TMEM132A: variants seen among roughly 807,000 people sequenced by gnomAD.
TMEM132A encodes the protein transmembrane protein 132A, also known as GRP78-binding protein.
A neutral mutation model predicts 69.9 loss-of-function variants in TMEM132A; 48 were observed. The observed-to-expected ratio is 0.69, with a 90% CI of 0.55 to 0.87. The LOEUF (loss-of-function observed/expected upper bound fraction) is 0.87. Among genes scored for constraint, TMEM132A ranks in the 40% least tolerant of loss-of-function variants. The probability of loss-of-function intolerance (pLI) is 0.00; values close to 1 mark genes in which losing one functional copy is unlikely to be tolerated. For synonymous variants in TMEM132A, 577 were observed against 613.7 expected (o/e 0.94, Z 0.88); for missense variants, 1,287 against 1,407.2 (o/e 0.91, Z 1.37).
chr11:60,927,765 G>C lies in TMEM132A; in HGVS notation c.440G>C (p.Gly147Ala). ...GCCCGGGTTCTCTTCCACCTCAAAG[G>C]GCAGGATTGGCCACCAGGGTCTGGC... ...PYARVLFHLKGQDWPPGSGSL... is the reference protein window; with the variant it reads ...PYARVLFHLKAQDWPPGSGSL... Residue 147 changes from glycine to alanine, a missense_variant, in exon 3 of 11, where the codon GGG becomes GCG. By Grantham distance (60) the Gly-to-Ala change is moderately conservative (BLOSUM62 0). Coordinates refer to ENST00000453848, the MANE Select transcript of TMEM132A (RefSeq NM_178031.3). 6.2e-7 allele frequency: 1 copy of C among 1,613,206 alleles called. No homozygotes were observed. The highest frequency in any genetic ancestry group is 8.5e-7 in the Non-Finnish European group (1 of 1,180,018).
Position 60,936,188 on chromosome 11 carries a change from C to T in TMEM132A, c.2353C>T (p.Pro785Ser). The T allele has an allele frequency of 6.2e-7, 1 of 1,614,038 alleles. No individual in the cohort carries two copies. Among genetic ancestry groups the T allele is most frequent in the Non-Finnish European group, 8.5e-7 (1 of 1,179,952 alleles). ...ALPSSPAWSPPATEATMGGKR... is the reference protein window; with the variant it reads ...ALPSSPAWSPSATEATMGGKR... ...CCCATCCAGCCCTGCTTGGAGCCCA[C>T]CAGCCACAGAAGCCACCATGGGTGG... Residue 785 changes from proline (P) to serine (S), a missense_variant, in exon 11 of 11, where the codon CCA becomes TCA. Transcript: ENST00000453848.
At position 60,934,057 on chromosome 11, in the gene TMEM132A, T is replaced by C. The variant is rs1856538690; in HGVS notation, c.1559+313T>C. The C allele has an allele frequency of 6.5e-6, 3 of 463,622 alleles. No homozygotes were observed. The South Asian group carries it at 1.1e-4, about 17-fold the overall frequency. 28.7% of individuals were successfully genotyped at this position (463,622 alleles called of 1,614,324 possible). A position where few individuals can be genotyped will look rare whatever the true frequency, so the allele number is the denominator to read the frequency against. On this transcript the variant is annotated intron_variant, in intron 8 of 10. Coordinates refer to ENST00000453848, the MANE Select transcript of TMEM132A (RefSeq NM_178031.3). ...CTCCTCCCCCGAGAATGTCAGCCCC[T>C]TGAAGCTGCGGTCTGTCTATGCTGG...
At chr11:60,930,774 A>G (rs1856464164) in intron 5 of TMEM132A, 115 bp downstream of exon 5, 2 of 1,059,372 alleles carry the variant, frequency 1.9e-6, no homozygotes, top group African/African-American at 3.3e-5. Flanking sequence ...AGCAGACCCA[A>G]GGACAGATTT....
Position 60,924,742 on chromosome 11 carries a change from G to C in TMEM132A, c.100+9G>C, listed in dbSNP as rs758283973. ...CCTGGACGTCGTGAGAGGTCAGCGG[G>C]AGGGGAGGGCCGGGGCGAGGGGCGG... On this transcript the variant is annotated intron_variant, in intron 1 of 10. Coordinates refer to ENST00000453848, the MANE Select transcript of TMEM132A (RefSeq NM_178031.3). The C allele has an allele frequency of 6.5e-7, 1 of 1,547,256 alleles. No individual in the cohort carries two copies. Among genetic ancestry groups the C allele is most frequent in the Admixed American group, 1.8e-5 (1 of 54,548 alleles).
Position 60,932,302 on chromosome 11 carries a change from C to T in TMEM132A, c.1356+175C>T, listed in dbSNP as rs116132730. Reference sequence around the variant, plus strand: ...TCTTTTGTTCCAGCCACCTCTCTCCCGAGTCAAGTAACCCTAACAGCCCCC... The same window carrying T: ...TCTTTTGTTCCAGCCACCTCTCTCCTGAGTCAAGTAACCCTAACAGCCCCC... On this transcript the variant is annotated intron_variant, in intron 7 of 10. Transcript: ENST00000453848. 718 of 737,068 alleles carry T rather than the reference C, an allele frequency of 9.7e-4. 3 individuals carry two copies. In the African/African-American group the frequency reaches 0.011, roughly 11 times the overall value. 45.7% of individuals were successfully genotyped at this position (737,068 alleles called of 1,614,324 possible).
In TMEM132A at chr11:60,931,978, C is replaced by T; in HGVS notation, c.1213-6C>T. The T allele has an allele frequency of 1.2e-6, 2 of 1,609,930 alleles. No individual in the cohort carries two copies. The highest frequency in any genetic ancestry group is 1.3e-5 in the African/African-American group (1 of 74,768). On this transcript the variant is annotated splice_polypyrimidine_tract_variant and splice_region_variant and intron_variant, in intron 6 of 10. Coordinates refer to ENST00000453848, the MANE Select transcript of TMEM132A (RefSeq NM_178031.3). ...GCCTGGGGCTGAGCCCCTCCTCCAC[C>T]CCCAGGCTGAGGAGCTGGTGAATAC... is the stretch of plus-strand genomic sequence containing the variant.
At chr11:60,934,857 G>T (rs1270097699) in intron 9 of TMEM132A, 93 bp downstream of exon 9, 7 of 1,352,148 alleles carry the variant, frequency 5.2e-6, no homozygotes, top group Non-Finnish European at 7.0e-6. Flanking sequence ...TGTGCCAGGA[G>T]CCCAGAGTGT....
Position 60,936,688 on chromosome 11 carries a change from G to T in TMEM132A, c.2853G>T (p.Leu951=). The change falls in exon 11 of 11, where the codon CTG becomes CTT. Residue 951 remains leucine, a synonymous_variant. Transcript: ENST00000453848. The stretch of plus-strand genomic sequence containing the variant: ...GCACCACCAGCTCCTCAAGCACCCT[G>T]GCCCGAAAGGAGGCTGGGGGGCGGC... ...PGGTTSSSST[L]ARKEAGGRRK... 1 of 1,563,668 alleles carries T rather than the reference G, an allele frequency of 6.4e-7. No homozygotes were observed. Among genetic ancestry groups the T allele is most frequent in the Non-Finnish European group, 8.7e-7 (1 of 1,155,002 alleles).
At position 60,936,910 on chromosome 11, in the gene TMEM132A, C is replaced by T; in HGVS notation, c.*3C>T. The T allele has an allele frequency of 6.6e-7, 1 of 1,524,512 alleles. No homozygotes were observed. Among genetic ancestry groups the T allele is most frequent in the Non-Finnish European group, 8.8e-7 (1 of 1,135,658 alleles). The allele number at this position is 1,524,512 out of a possible 1,614,324, so 94.4% of individuals were successfully genotyped here. On this transcript the variant is annotated 3_prime_UTR_variant, in exon 11 of 11. Coordinates refer to ENST00000453848, the MANE Select transcript of TMEM132A (RefSeq NM_178031.3). ...AGAGGATCCGGGGCAGCTCCTGACC[C>T]TCCACAGCCACCTGGTCAGCCACCA...
rs375795914 is a variant in TMEM132A at position 60,928,617 on chromosome 11, G to T, written c.535-12G>T. The T allele has an allele frequency of 1.2e-6, 2 of 1,605,098 alleles. No homozygotes were observed. The highest frequency in any genetic ancestry group is 1.7e-6 in the Non-Finnish European group (2 of 1,179,336). ...CACCCCCATGCCAATTACTGCTGTC[G>T]TGTCTTCACAGCCATCCCTGGGCGC... On this transcript the variant is annotated splice_polypyrimidine_tract_variant and intron_variant, in intron 3 of 10. Transcript: ENST00000453848.
chr11:60,934,686 C>T lies in TMEM132A; in HGVS notation c.1758C>T (p.Arg586=), dbSNP rs772619797. 8 of 1,604,344 alleles carry T rather than the reference C, an allele frequency of 5.0e-6. No homozygotes were observed. The highest frequency in any genetic ancestry group is 3.3e-5 in the Admixed American group (2 of 59,892). Residue 586 remains arginine, a synonymous_variant, in exon 9 of 11, where the codon CGC becomes CGT. Transcript: ENST00000453848. The part of the protein sequence containing the change: ...DVSHLVAPHA[R]VLDSRVASLE... ...CCCACCTCGTGGCGCCACACGCCCGCGTGCTGGACTCGCGTGTAGCCTCTC... is the reference window on the plus strand; with the variant it reads ...CCCACCTCGTGGCGCCACACGCCCGTGTGCTGGACTCGCGTGTAGCCTCTC...
At position 60,924,752 on chromosome 11, in the gene TMEM132A, C is replaced by A; in HGVS notation, c.100+19C>A. ...GTGAGAGGTCAGCGGGAGGGGAGGGCCGGGGCGAGGGGCGGCCGGGCCCGG... is the reference window on the plus strand; with the variant it reads ...GTGAGAGGTCAGCGGGAGGGGAGGGACGGGGCGAGGGGCGGCCGGGCCCGG... On this transcript the variant is annotated intron_variant, in intron 1 of 10. Transcript: ENST00000453848. 6.6e-7 allele frequency: 1 copy of A among 1,508,574 alleles called. No individual in the cohort carries two copies. The highest frequency in any genetic ancestry group is 8.8e-7 in the Non-Finnish European group (1 of 1,133,754). 93.4% of individuals were successfully genotyped at this position (1,508,574 alleles called of 1,614,324 possible). A position where few individuals can be genotyped will look rare whatever the true frequency, so the allele number is the denominator to read the frequency against.
intron 1 of TMEM132A, chr11:60,926,644 G>A (rs181945754): frequency 5.2e-5 from 9 of 172,508 alleles, no homozygotes; most frequent in Admixed American, 2.4e-4. Flanking sequence ...AGCACCTTCC[G>A]CGCCCGCCCA....
At position 60,933,568 on chromosome 11, in the gene TMEM132A, C is replaced by T. The variant is rs758306394; in HGVS notation, c.1383C>T (p.Phe461=). The change falls in exon 8 of 11, where the codon TTC becomes TTT. Residue 461 remains phenylalanine (F), a synonymous_variant. Transcript: ENST00000453848. The stretch of plus-strand genomic sequence containing the variant: ...TGTCTGAGGCCTGTGATGCCGTGTT[C>T]GTGGCTGGCAAGGAGAGCCGGGGCG... ...LQVSEACDAV[F]VAGKESRGAR... 5.0e-6 allele frequency: 8 copies of T among 1,607,738 alleles called. No homozygotes were observed. Among genetic ancestry groups the T allele is most frequent in the Non-Finnish European group, 5.9e-6 (7 of 1,179,192 alleles).
At chr11:60,928,575 G>T (rs1765892161) in intron 3 of TMEM132A, 54 bp from the exon 4 acceptor site, 7 of 1,525,248 alleles carry the variant, frequency 4.6e-6, no homozygotes, top group Non-Finnish European at 6.2e-6. Context: ...TGAGAATCCT[G>T]TTCCTCGCCC....
At position 60,933,728 on chromosome 11, in the gene TMEM132A, C is replaced by T; in HGVS notation, c.1543C>T (p.Pro515Ser). The T allele has an allele frequency of 1.3e-6, 2 of 1,581,182 alleles. No homozygotes were observed. Among genetic ancestry groups the T allele is most frequent in the African/African-American group, 2.7e-5 (2 of 74,402 alleles). ...CGAGCAGGTCCGCGGCTGGAGGGTA[C>T]CTGGCCCTGCTGAAGGGTGAGTGGA... is the stretch of plus-strand genomic sequence containing the variant. ...TLEQVRGWRV[P>S]GPAEGPAEPA... Residue 515 changes from proline (P) to serine (S), a missense_variant, in exon 8 of 11, where the codon CCT becomes TCT. Coordinates refer to ENST00000453848, the MANE Select transcript of TMEM132A (RefSeq NM_178031.3).
rs573936300 is a variant in TMEM132A at position 60,928,180 on chromosome 11, G to T, written c.534+321G>T. ...AACAAGTGAGATGAATGTAAGGATA[G>T]CTTACGGCAGAGTAATCAATCAGCC... is the stretch of plus-strand genomic sequence containing the variant. On this transcript the variant is annotated intron_variant, in intron 3 of 10. Transcript: ENST00000453848. 5.3e-5 allele frequency among the ~76,000 whole-genome samples: 8 copies of T among 152,326 alleles called. No homozygotes were observed. The South Asian group carries it at 1.7e-3, about 32-fold the overall frequency.
rs768321505 is a variant in TMEM132A, at chr11:60,928,641, G to A, written c.547G>A (p.Ala183Thr). ...QACRFQPSLGACVVELELPSH... is the reference protein window; with the variant it reads ...QACRFQPSLGTCVVELELPSH... ...CGTGTCTTCACAGCCATCCCTGGGC[G>A]CCTGCGTGGTGGAGCTGGAGCTTCC... Residue 183 changes from alanine (A) to threonine (T), a missense_variant, in exon 4 of 11, where the codon GCC becomes ACC. By Grantham distance (58) the Ala-to-Thr change is moderately conservative. Transcript: ENST00000453848. The A allele has an allele frequency of 1.9e-5, 31 of 1,608,510 alleles. No individual in the cohort carries two copies. Among genetic ancestry groups the A allele is most frequent in the African/African-American group, 6.7e-5 (5 of 74,864 alleles).
At chr11:60,927,547 A>C in intron 2 of TMEM132A, 94 bp from the exon 3 acceptor site, 3 of 1,430,924 alleles carry the variant, frequency 2.1e-6, no homozygotes, top group Non-Finnish European at 2.9e-6. Flanking sequence ...ACTGAGGCCC[A>C]TAAAGGTTCT....
Sources: allele counts gnomAD v4.1 joint callset (sites outside exome capture counted in the v4.1 genomes callset), GRCh38; gene constraint gnomAD v4.1.1; transcripts MANE v1.5; gene names NCBI Gene and HGNC (gene_info 2026-07-23, HGNC 2026-07-21).